Variants in THSD4 observed in about 807,000 individuals in gnomAD.
The protein encoded by THSD4 is thrombospondin type-1 domain-containing protein 4.
A neutral mutation model predicts 119.0 loss-of-function variants in THSD4; 69 were observed. The ratio of observed to expected loss-of-function variants is 0.58; its 90% confidence interval spans 0.48 to 0.71. The LOEUF (loss-of-function observed/expected upper bound fraction) is 0.71, where lower values mean the gene tolerates loss of function less well. Among genes scored for constraint, THSD4 ranks in the 30% least tolerant of loss-of-function variants. The probability of loss-of-function intolerance (pLI) is 0.00; values close to 1 mark genes in which losing one functional copy is unlikely to be tolerated. For missense variants in THSD4, 1,393 were observed against 1,391.1 expected (o/e 1.00, Z -0.02); for synonymous variants, 524 against 540.4 (o/e 0.97, Z 0.42).
intron 6 of THSD4, among the ~76,000 whole-genome samples, chr15:71,322,055 T>A (rs2045276728): frequency 6.6e-6 from 1 of 152,048 alleles, no homozygotes; most frequent in African/African-American, 2.4e-5. Context: ...CAAATTAAGT[T>A]GAAAACAAGC....
At chr15:71,591,005 C>CAAAAAAAAAAAAAAAAAAAA (rs67271025) in intron 7 of THSD4, among the ~76,000 whole-genome samples, 3 of 57,508 alleles carry the variant, frequency 5.2e-5, no homozygotes, top group Admixed American at 2.9e-4. Flanking sequence ...GACTCCATCT[C>CAAAAAAAAAAAAAAAAAAAA]AAAAAAAAAA....
chr15:71,660,682 G>C lies in THSD4; in HGVS notation c.1305G>C (p.Glu435Asp). The change falls in exon 8 of 18, where the codon GAG becomes GAC. Residue 435 changes from glutamate to aspartate, a missense_variant. Transcript: ENST00000261862. ...LGYHRVVEIPEGATKINITEM... is the reference protein window; with the variant it reads ...LGYHRVVEIPDGATKINITEM... ...ACCACCGCGTCGTGGAGATTCCCGAGGGAGCCACGAAAATCAACATCACGG... is the reference window on the plus strand; with the variant it reads ...ACCACCGCGTCGTGGAGATTCCCGACGGAGCCACGAAAATCAACATCACGG... 6.2e-7 allele frequency: 1 copy of C among 1,614,154 alleles called. No individual in the cohort carries two copies. Among genetic ancestry groups the C allele is most frequent in the Non-Finnish European group, 8.5e-7 (1 of 1,180,018 alleles).
intron 8 of THSD4, among the ~76,000 whole-genome samples, chr15:71,689,876 G>A (rs142977728): frequency 6.8e-4 from 104 of 152,270 alleles, no homozygotes; most frequent in East Asian, 1.4e-3. Flanking sequence ...GTTCTTCCCC[G>A]TCCCTGAACG....
At chr15:71,226,592 A>G (rs1057340554) in intron 4 of THSD4, among the ~76,000 whole-genome samples, 5 of 152,146 alleles carry the variant, frequency 3.3e-5, no homozygotes, top group Non-Finnish European at 7.3e-5. Flanking sequence ...ATCGGTAATA[A>G]CTTTGGAGCA....
At position 71,260,047 on chromosome 15, in the gene THSD4, C is replaced by T. The variant is rs190292010; in HGVS notation, c.1015+3332C>T. Among the ~76,000 whole-genome samples the T allele has an allele frequency of 1.6e-4, 25 of 152,252 alleles. No homozygotes were observed. In the East Asian group the frequency reaches 3.1e-3, roughly 19 times the overall value. On this transcript the variant is annotated intron_variant, in intron 6 of 17. Coordinates refer to ENST00000261862, the MANE Select transcript of THSD4 (RefSeq NM_024817.3). Reference sequence around the variant, plus strand: ...AAGCTGCCTTGCCAGACCTTTTCTGCGTGGTCTGAGGTGGCCATCAGCCAG... The same window carrying T: ...AAGCTGCCTTGCCAGACCTTTTCTGTGTGGTCTGAGGTGGCCATCAGCCAG...
chr15:71,350,902 C>T (rs868482782), intron 6 of THSD4, among the ~76,000 whole-genome samples: 31 of 152,176 alleles, frequency 2.0e-4, no homozygotes, highest in Admixed American at 6.5e-5. Context: ...ACCCCACTGG[C>T]GGTGGCTGTT....
chr15:71,195,460 A>C (rs1240059455), intron 3 of THSD4, among the ~76,000 whole-genome samples: 1 of 152,148 alleles, frequency 6.6e-6, no homozygotes. Flanking sequence ...GGTGAGAATG[A>C]ATGAGGTTTT....
chr15:71,690,360 C>G (rs2052021005), intron 8 of THSD4, among the ~76,000 whole-genome samples: 1 of 152,226 alleles, frequency 6.6e-6, no homozygotes, highest in Non-Finnish European at 1.5e-5. Flanking sequence ...CTCCCCACCT[C>G]CTGGGATGGT....
intron 6 of THSD4, among the ~76,000 whole-genome samples, chr15:71,283,929 T>G (rs753810473): frequency 6.6e-6 from 1 of 152,182 alleles, no homozygotes; most frequent in South Asian, 2.1e-4. Flanking sequence ...GCTAGCCCTT[T>G]GTCCTGTTGG....
intron 8 of THSD4, among the ~76,000 whole-genome samples, chr15:71,727,587 T>TAC (rs367823728): frequency 6.5e-4 from 6 of 9,284 alleles, no homozygotes; most frequent in African/African-American, 1.3e-3. Flanking sequence ...TATATATATA[T>TAC]ACACACACAC....
intron 4 of THSD4, among the ~76,000 whole-genome samples, chr15:71,237,468 T>C (rs1397909376): frequency 6.6e-6 from 1 of 152,160 alleles, no homozygotes; most frequent in African/African-American, 2.4e-5. Flanking sequence ...GGAAAGATGG[T>C]CAATCCGGAC....
At chr15:71,734,063 C>G (rs1372709544) in intron 10 of THSD4, 1 of 152,202 alleles carries the variant, frequency 6.6e-6, no homozygotes. Flanking sequence ...CCTGCCTCAG[C>G]CTCCCAAAAC....
chr15:71,450,092 G>A (rs1208189841), intron 7 of THSD4, among the ~76,000 whole-genome samples: 1 of 152,220 alleles, frequency 6.6e-6, no homozygotes, highest in East Asian at 1.9e-4. Context: ...AGGAGGGATT[G>A]TGTGGGACAA....
At chr15:71,621,750 A>G (rs1346360019) in intron 7 of THSD4, among the ~76,000 whole-genome samples, 3 of 152,260 alleles carry the variant, frequency 2.0e-5, no homozygotes, top group Non-Finnish European at 4.4e-5. Context: ...CTATGAACAC[A>G]GTGCCATATA....
At chr15:71,335,032 A>G (rs2045473579) in intron 6 of THSD4, among the ~76,000 whole-genome samples, 1 of 152,146 alleles carries the variant, frequency 6.6e-6, no homozygotes, top group Non-Finnish European at 1.5e-5. Flanking sequence ...AGGTCTGGGG[A>G]GGGTGAGCGC....
chr15:71,433,261 C>G (rs1595762292), intron 7 of THSD4, among the ~76,000 whole-genome samples: 1 of 150,710 alleles, frequency 6.6e-6, no homozygotes, highest in South Asian at 2.1e-4. Context: ...ATGACACAGA[C>G]ATTTCATGCT....
At position 71,141,391 on chromosome 15, in the gene THSD4, C is replaced by G. The variant is rs538558728; in HGVS notation, c.-79-58C>G. 7.5e-6 allele frequency: 7 copies of G among 929,678 alleles called. No individual in the cohort carries two copies. In the East Asian group the frequency reaches 2.0e-4, roughly 26 times the overall value. 57.6% of individuals were successfully genotyped at this position (929,678 alleles called of 1,614,324 possible). On this transcript the variant is annotated intron_variant, in intron 1 of 17. Coordinates refer to ENST00000261862, the MANE Select transcript of THSD4 (RefSeq NM_024817.3). ...ATTTCTGGTTTTGTTGACCGAGTTA[C>G]GCTTCTAGAATCTTCCTAAGTAAAT...
chr15:71,200,287 G>T (rs1444784632), intron 3 of THSD4, among the ~76,000 whole-genome samples: 3 of 152,136 alleles, frequency 2.0e-5, no homozygotes, highest in Non-Finnish European at 4.4e-5. Context: ...TGACTAGGGG[G>T]AGGGTGGTGG....
chr15:71,592,118 T>C (rs2049819148), intron 7 of THSD4, among the ~76,000 whole-genome samples: 1 of 152,242 alleles, frequency 6.6e-6, no homozygotes, highest in South Asian at 2.1e-4. Context: ...TAGCTTGCAA[T>C]GTTTCCTCCA....
Sources: gnomAD v4.1 joint callset for allele counts (sites outside exome capture counted in the v4.1 genomes callset) on GRCh38, gnomAD v4.1.1 for gene constraint, MANE v1.5 for transcripts, NCBI Gene and HGNC (gene_info 2026-07-23, HGNC 2026-07-21) for gene names.